OR1J2: variants seen among roughly 807,000 people sequenced by gnomAD.
The protein encoded by OR1J2 is olfactory receptor 1J2.
For synonymous variants in OR1J2, 142 were observed against 99.7 expected (o/e 1.42, Z -2.52); for missense variants, 304 against 246.1 (o/e 1.24, Z -1.57).
chr9:122,573,445 G>T, the OR1J2 span, among the ~76,000 whole-genome samples: 1 of 152,150 alleles, frequency 6.6e-6, no homozygotes, highest in Non-Finnish European at 1.5e-5. Flanking sequence ...CATTCTAATG[G>T]GTATACAGTG....
At chr9:122,559,804 T>G in the OR1J2 span, among the ~76,000 whole-genome samples, 1 of 152,322 alleles carries the variant, frequency 6.6e-6, no homozygotes, top group East Asian at 1.9e-4. Flanking sequence ...TTCTGTTGAT[T>G]TGGGGTGGAG....
chr9:122,513,491 A>C (rs1828663855), downstream of OR1J2, among the ~76,000 whole-genome samples: 1 of 151,224 alleles, frequency 6.6e-6, no homozygotes, highest in Non-Finnish European at 1.5e-5. Flanking sequence ...GCAGAGTTCA[A>C]CCTGAACTTC....
chr9:122,452,220 G>A, the OR1J2 span, among the ~76,000 whole-genome samples: 1 of 152,130 alleles, frequency 6.6e-6, no homozygotes, highest in East Asian at 1.9e-4. Context: ...AGGTATCACT[G>A]TGGAGCACTG....
At chr9:122,540,753 G>A in the OR1J2 span, among the ~76,000 whole-genome samples, 71 of 152,288 alleles carry the variant, frequency 4.7e-4, 1 homozygote, top group South Asian at 0.012. Flanking sequence ...CATGAGCATG[G>A]AAGGTTCTTC....
At chr9:122,551,760 C>A in the OR1J2 span, among the ~76,000 whole-genome samples, 70 of 152,166 alleles carry the variant, frequency 4.6e-4, 2 homozygotes, top group South Asian at 0.014. Context: ...TCGACCTTAA[C>A]GAGCACATTG....
chr9:122,504,649 T>G, the OR1J2 span, among the ~76,000 whole-genome samples: 1 of 152,184 alleles, frequency 6.6e-6, no homozygotes, highest in Admixed American at 6.5e-5. Flanking sequence ...ACCACATACA[T>G]GTCATTTCTC....
downstream of OR1J2, among the ~76,000 whole-genome samples, chr9:122,512,023 T>G (rs1277487709): frequency 6.6e-6 from 1 of 152,214 alleles, no homozygotes; most frequent in African/African-American, 2.4e-5. Flanking sequence ...TCTTATCCCT[T>G]ATTTGAGGAG....
chr9:122,515,099 C>T (rs544152359), downstream of OR1J2, among the ~76,000 whole-genome samples: 1 of 152,252 alleles, frequency 6.6e-6, no homozygotes, highest in African/African-American at 2.4e-5. Flanking sequence ...TGCCCTGTCC[C>T]CTTGTGTCCT....
rs1327317281 is a variant in OR1J2, at chr9:122,510,970, A to G, written c.169A>G (p.Thr57Ala). The change falls in exon 1 of 1, where the codon ACC becomes GCC. Residue 57 changes from threonine to alanine, a missense_variant. By Grantham distance (58) the Thr-to-Ala change is moderately conservative. Coordinates refer to ENST00000335302, the MANE Select transcript of OR1J2 (RefSeq NM_054107.1). ...LLIQLDSHLH[T>A]PMYFFLSHLA... ...CATCCAGCTGGACTCTCACCTTCAC[A>G]CCCCCATGTACTTCTTCCTCAGCCA... The G allele has an allele frequency of 6.2e-7, 1 of 1,610,756 alleles. No individual in the cohort carries two copies. The highest frequency in any genetic ancestry group is 1.1e-5 in the South Asian group (1 of 90,938).
chr9:122,455,689 T>C, the OR1J2 span, among the ~76,000 whole-genome samples: 1 of 152,308 alleles, frequency 6.6e-6, no homozygotes, highest in African/African-American at 2.4e-5. Flanking sequence ...TCTTTTGATA[T>C]AAAAAAGATT....
chr9:122,491,747 G>A, the OR1J2 span, among the ~76,000 whole-genome samples: 1 of 152,134 alleles, frequency 6.6e-6, no homozygotes, highest in African/African-American at 2.4e-5. Context: ...CATGGTGGAT[G>A]GTTAGATTGA....
At chr9:122,527,126 G>A in the OR1J2 span, 3 of 1,614,214 alleles carry the variant, frequency 1.9e-6, no homozygotes, top group Non-Finnish European at 2.5e-6. Context: ...AAAAGTACAT[G>A]GGGGTGTGGA....
At chr9:122,521,094 A>C in the OR1J2 span, among the ~76,000 whole-genome samples, 1 of 152,160 alleles carries the variant, frequency 6.6e-6, no homozygotes, top group Non-Finnish European at 1.5e-5. Flanking sequence ...TTTGAACCTC[A>C]ATTTCTTCTT....
chr9:122,486,296 A>G, the OR1J2 span, among the ~76,000 whole-genome samples: 1 of 152,176 alleles, frequency 6.6e-6, no homozygotes, highest in Non-Finnish European at 1.5e-5. Context: ...GGAGAGGAGA[A>G]CACTGGGATT....
At chr9:122,567,772 G>A in the OR1J2 span, 484 of 1,613,902 alleles carry the variant, frequency 3.0e-4, 1 homozygote, top group Non-Finnish European at 3.9e-4. Flanking sequence ...AAGGCTTTGC[G>A]TTTCCCAGAA....
chr9:122,565,559 C>T, the OR1J2 span, among the ~76,000 whole-genome samples: 3 of 152,194 alleles, frequency 2.0e-5, no homozygotes, highest in East Asian at 1.9e-4. Flanking sequence ...CAGAGACCAA[C>T]GCTGAGCCCC....
chr9:122,471,763 T>C, the OR1J2 span, among the ~76,000 whole-genome samples: 1 of 152,032 alleles, frequency 6.6e-6, no homozygotes, highest in Non-Finnish European at 1.5e-5. Context: ...AGCTAGAAAA[T>C]TCCCCCCAAA....
the OR1J2 span, among the ~76,000 whole-genome samples, chr9:122,490,657 G>A: frequency 1.3e-5 from 2 of 152,282 alleles, no homozygotes; most frequent in South Asian, 2.1e-4. Context: ...AGAAGAGAAA[G>A]GATGGCAAAT....
chr9:122,540,781 T>A, the OR1J2 span, among the ~76,000 whole-genome samples: 1 of 152,230 alleles, frequency 6.6e-6, no homozygotes, highest in South Asian at 2.1e-4. Flanking sequence ...TTGTATCCTC[T>A]TTTATTTCCT....
Sources: gnomAD v4.1 joint callset for allele counts (sites outside exome capture counted in the v4.1 genomes callset) on GRCh38, gnomAD v4.1.1 for gene constraint, MANE v1.5 for transcripts, NCBI Gene and HGNC (gene_info 2026-07-23, HGNC 2026-07-21) for gene names.